The following ADGRL3 variants were observed in gnomAD, a reference collection of about 807,000 sequenced individuals.
ADGRL3 encodes the protein adhesion G protein-coupled receptor L3, also known as calcium-independent alpha-latrotoxin receptor 3.
Under a neutral mutation model 153.5 loss-of-function variants are expected in ADGRL3, and 62 were observed. That is an observed-to-expected ratio of 0.40 (90% CI 0.33 to 0.50). The LOEUF is 0.50. ADGRL3 is among the 20% of genes least tolerant of loss of function. The pLI is 0.47. For missense variants in ADGRL3, 1,641 were observed against 1,859.4 expected (o/e 0.88, Z 2.16); for synonymous variants, 710 against 672.5 (o/e 1.06, Z -0.86).
At chr4:61,297,713 C>G (rs565835574) in intron 1 of ADGRL3, among the ~76,000 whole-genome samples, 1 of 151,480 alleles carries the variant, frequency 6.6e-6, no homozygotes, top group Non-Finnish European at 1.5e-5. Flanking sequence ...ATTTTTGATG[C>G]AGGGTTTGTT....
intron 6 of ADGRL3, among the ~76,000 whole-genome samples, chr4:61,729,434 A>G (rs2096403649): frequency 6.6e-6 from 1 of 151,976 alleles, no homozygotes; most frequent in Admixed American, 6.6e-5. Flanking sequence ...AACTGGAGAC[A>G]CTCAAGCTTA....
chr4:61,266,648 CAT>C (rs1334437503), intron 1 of ADGRL3, among the ~76,000 whole-genome samples: 1 of 151,788 alleles, frequency 6.6e-6, no homozygotes, highest in African/African-American at 2.4e-5. Context: ...AATTTAATGA[CAT>C]AATTCTGAGT....
intron 1 of ADGRL3, among the ~76,000 whole-genome samples, chr4:61,339,270 C>G (rs1410770797): frequency 2.0e-5 from 3 of 152,142 alleles, no homozygotes; most frequent in Admixed American, 2.0e-4. Context: ...ACATACAAAA[C>G]CTTTCCTATA....
chr4:61,588,070 A>G (rs2098953777), intron 5 of ADGRL3, among the ~76,000 whole-genome samples: 1 of 151,790 alleles, frequency 6.6e-6, no homozygotes, highest in African/African-American at 2.4e-5. Context: ...ACTGGTCAGT[A>G]GGAATGCATA....
chr4:61,996,006 A>G (rs745868261), intron 19 of ADGRL3, among the ~76,000 whole-genome samples: 1 of 151,768 alleles, frequency 6.6e-6, no homozygotes, highest in Admixed American at 6.6e-5. Flanking sequence ...TTCTTTCTTT[A>G]TCTTTTTTTT....
At chr4:62,057,437 G>A (rs1220999951) in intron 25 of ADGRL3, among the ~76,000 whole-genome samples, 2 of 152,000 alleles carry the variant, frequency 1.3e-5, no homozygotes, top group African/African-American at 4.8e-5. Context: ...TAGATCTTCA[G>A]GTATAAAGTA....
At chr4:61,959,445 A>AT (rs555720214) in intron 17 of ADGRL3, among the ~76,000 whole-genome samples, 2 of 151,994 alleles carry the variant, frequency 1.3e-5, no homozygotes, top group East Asian at 1.9e-4. Flanking sequence ...TGATGATTGT[A>AT]TTTTTTTTAA....
intron 4 of ADGRL3, chr4:61,579,543 T>C: frequency 2.0e-6 from 1 of 497,372 alleles, no homozygotes; most frequent in South Asian, 1.5e-5. Context: ...AATCCTCAGG[T>C]AGACGATTTC....
chr4:61,712,240 A>G (rs1440607730), intron 6 of ADGRL3, among the ~76,000 whole-genome samples: 6 of 151,980 alleles, frequency 3.9e-5, no homozygotes, highest in African/African-American at 1.4e-4. Context: ...CAATAAATAA[A>G]AAATTAGCCA....
intron 13 of ADGRL3, among the ~76,000 whole-genome samples, chr4:61,914,853 G>T (rs924268692): frequency 2.0e-5 from 3 of 152,046 alleles, no homozygotes; most frequent in African/African-American, 7.2e-5. Flanking sequence ...TTACCTTCCT[G>T]CTTTTGCTGT....
intron 1 of ADGRL3, among the ~76,000 whole-genome samples, chr4:61,252,571 A>G (rs1759691115): frequency 6.6e-6 from 1 of 152,132 alleles, no homozygotes; most frequent in South Asian, 2.1e-4. Context: ...TTATAAATTG[A>G]TTCCTGTTAT....
intron 1 of ADGRL3, among the ~76,000 whole-genome samples, chr4:61,213,245 C>T (rs1740967230): frequency 6.6e-6 from 1 of 152,046 alleles, no homozygotes; most frequent in Non-Finnish European, 1.5e-5. Context: ...TGTGTTAGTC[C>T]ATATGTTTTA....
At chr4:61,905,152 G>A (rs1239652758) in intron 11 of ADGRL3, among the ~76,000 whole-genome samples, 1 of 152,092 alleles carries the variant, frequency 6.6e-6, no homozygotes, top group East Asian at 1.9e-4. Flanking sequence ...AACATTATAG[G>A]AATTCCAGCT....
intron 25 of ADGRL3, among the ~76,000 whole-genome samples, chr4:62,053,513 T>C (rs1265053633): frequency 6.6e-6 from 1 of 151,574 alleles, no homozygotes; most frequent in Non-Finnish European, 1.5e-5. Flanking sequence ...ACCACATTCA[T>C]AGAAGGTAAT....
At chr4:61,787,167 A>G (rs1350532084) in intron 8 of ADGRL3, among the ~76,000 whole-genome samples, 1 of 152,140 alleles carries the variant, frequency 6.6e-6, no homozygotes, top group Non-Finnish European at 1.5e-5. Context: ...GAATAAGTCA[A>G]TAACATCACA....
At chr4:61,427,641 G>A (rs1010395304) in intron 2 of ADGRL3, 1 of 152,736 alleles carries the variant, frequency 6.5e-6, no homozygotes, top group Admixed American at 6.5e-5. Flanking sequence ...ATTTTCTGAC[G>A]GACCACTGGG....
chr4:61,980,117 G>A (rs954974489), intron 18 of ADGRL3, among the ~76,000 whole-genome samples: 2 of 152,008 alleles, frequency 1.3e-5, no homozygotes, highest in Non-Finnish European at 2.9e-5. Flanking sequence ...CCACCAGAGA[G>A]GTACACTTGT....
intron 1 of ADGRL3, among the ~76,000 whole-genome samples, chr4:61,269,851 A>G (rs574904723): frequency 9.8e-4 from 149 of 151,790 alleles, no homozygotes; most frequent in African/African-American, 3.1e-3. Flanking sequence ...CAGTTTATAG[A>G]TTTGAGAGCT....
At chr4:61,963,571 T>C (rs1251063332) in intron 17 of ADGRL3, among the ~76,000 whole-genome samples, 3 of 152,204 alleles carry the variant, frequency 2.0e-5, no homozygotes, top group Non-Finnish European at 2.9e-5. Context: ...GTTCCATCCA[T>C]GTTGCTGCAA....
Sources: gnomAD v4.1 joint callset for allele counts (sites outside exome capture counted in the v4.1 genomes callset) on GRCh38, gnomAD v4.1.1 for gene constraint, MANE v1.5 for transcripts, NCBI Gene and HGNC (gene_info 2026-07-23, HGNC 2026-07-21) for gene names.